Variants in KIF26B observed in about 807,000 individuals in gnomAD.
KIF26B encodes the protein kinesin family member 26B, also known as kinesin-like protein KIF26B.
In KIF26B, 63 loss-of-function variants were observed where a neutral mutation model predicts 151.2. The ratio of observed to expected loss-of-function variants is 0.42; its 90% CI spans 0.34 to 0.51. The LOEUF (loss-of-function observed/expected upper bound fraction) is 0.51, where lower values mean the gene tolerates loss of function less well. KIF26B is among the 20% of genes least tolerant of loss of function. The pLI, the probability that KIF26B is intolerant of heterozygous loss-of-function variation, is 0.07. For synonymous variants in KIF26B, 1,357 were observed against 1,262.1 expected (o/e 1.08, Z -1.59); for missense variants, 2,813 against 2,913.6 (o/e 0.97, Z 0.79).
intron 10 of KIF26B, among the ~76,000 whole-genome samples, chr1:245,679,292 C>T (rs2044397190): frequency 6.6e-6 from 1 of 152,092 alleles, no homozygotes; most frequent in African/African-American, 2.4e-5. Flanking sequence ...TTGGTCAGCC[C>T]TGTGCCTGAG....
At chr1:245,595,668 G>T (rs2043330619) in intron 5 of KIF26B, among the ~76,000 whole-genome samples, 2 of 152,098 alleles carry the variant, frequency 1.3e-5, no homozygotes, top group South Asian at 4.2e-4. Context: ...GGATGATTCT[G>T]GCCTCATAAA....
intron 2 of KIF26B, among the ~76,000 whole-genome samples, chr1:245,280,091 G>C (rs966337137): frequency 2.6e-5 from 4 of 152,058 alleles, no homozygotes; most frequent in Non-Finnish European, 4.4e-5. Context: ...TCAACCCCAG[G>C]AGGAGCCTAG....
At chr1:245,479,478 T>TTGTTG (rs1558182593) in intron 4 of KIF26B, among the ~76,000 whole-genome samples, 1 of 151,666 alleles carries the variant, frequency 6.6e-6, no homozygotes, top group African/African-American at 2.4e-5. Flanking sequence ...TCAGAGTTTT[T>TTGTTG]TTGTTGTTGT....
intron 4 of KIF26B, among the ~76,000 whole-genome samples, chr1:245,423,797 T>A (rs956640876): frequency 6.6e-6 from 1 of 152,186 alleles, no homozygotes; most frequent in African/African-American, 2.4e-5. Context: ...TGTCCACTTT[T>A]CTCTGTGATA....
chr1:245,525,928 C>CAA (rs35105501), intron 4 of KIF26B, among the ~76,000 whole-genome samples: 1,921 of 151,120 alleles, frequency 0.013, 47 homozygotes, highest in African/African-American at 0.045. Flanking sequence ...CAGATTCTGC[C>CAA]AAAAAAAATG....
At chr1:245,635,418 C>T (rs2043824739) in intron 9 of KIF26B, among the ~76,000 whole-genome samples, 1 of 152,054 alleles carries the variant, frequency 6.6e-6, no homozygotes, top group African/African-American at 2.4e-5. Context: ...AATTTACTGG[C>T]ATAATGTTTC....
intron 2 of KIF26B, among the ~76,000 whole-genome samples, chr1:245,331,021 G>A (rs1395455085): frequency 1.3e-5 from 2 of 152,042 alleles, no homozygotes; most frequent in Non-Finnish European, 2.9e-5. Context: ...TGCACACACG[G>A]TGAGCAGAAA....
At chr1:245,285,004 A>C (rs1573752895) in intron 2 of KIF26B, among the ~76,000 whole-genome samples, 1 of 152,250 alleles carries the variant, frequency 6.6e-6, no homozygotes, top group African/African-American at 2.4e-5. Context: ...GTGCCACTGC[A>C]CTCCAGCCTG....
chr1:245,196,349 A>G (rs1424316223), intron 2 of KIF26B, among the ~76,000 whole-genome samples: 1 of 152,176 alleles, frequency 6.6e-6, no homozygotes, highest in African/African-American at 2.4e-5. Context: ...AATAGCTCTG[A>G]AAACAACCTT....
At chr1:245,428,158 C>CTTAT (rs1192541167) in intron 4 of KIF26B, among the ~76,000 whole-genome samples, 1 of 152,240 alleles carries the variant, frequency 6.6e-6, no homozygotes, top group South Asian at 2.1e-4. Context: ...CCTCTGGTTT[C>CTTAT]TTATTTATTT....
chr1:245,629,467 G>A (rs1280893927), intron 9 of KIF26B, among the ~76,000 whole-genome samples: 5 of 152,050 alleles, frequency 3.3e-5, no homozygotes, highest in Admixed American at 6.5e-5. Flanking sequence ...TCTGATCTTC[G>A]ACAAACCTGA....
intron 4 of KIF26B, among the ~76,000 whole-genome samples, chr1:245,422,924 C>T (rs1335994063): frequency 6.6e-6 from 1 of 151,940 alleles, no homozygotes; most frequent in Non-Finnish European, 1.5e-5. Context: ...CATGGTGAGA[C>T]CCCGTCTCTA....
At chr1:245,192,478 T>C (rs1354488483) in intron 2 of KIF26B, among the ~76,000 whole-genome samples, 1 of 152,238 alleles carries the variant, frequency 6.6e-6, no homozygotes, top group Non-Finnish European at 1.5e-5. Context: ...TTGAGATATT[T>C]TGTAAAAATT....
intron 3 of KIF26B, among the ~76,000 whole-genome samples, chr1:245,418,738 G>C (rs1658382065): frequency 6.6e-6 from 1 of 152,204 alleles, no homozygotes; most frequent in Non-Finnish European, 1.5e-5. Flanking sequence ...CAAGTAACAG[G>C]TTTTCCAAAT....
At chr1:245,696,214 C>T (rs890459668) in intron 12 of KIF26B, among the ~76,000 whole-genome samples, 6 of 152,234 alleles carry the variant, frequency 3.9e-5, no homozygotes, top group Admixed American at 1.3e-4. Context: ...AGACACTGCA[C>T]CTTCTGTGCT....
At chr1:245,520,526 A>G (rs1258387726) in intron 4 of KIF26B, among the ~76,000 whole-genome samples, 1 of 149,874 alleles carries the variant, frequency 6.7e-6, no homozygotes, top group African/African-American at 2.5e-5. Flanking sequence ...CCATCCATCC[A>G]TCCATCCATC....
intron 9 of KIF26B, among the ~76,000 whole-genome samples, chr1:245,632,997 TATATA>T (rs1346033035): frequency 2.6e-5 from 4 of 152,204 alleles, no homozygotes; most frequent in Non-Finnish European, 4.4e-5. Context: ...ATAATTGTTT[TATATA>T]ATATATCTGG....
intron 10 of KIF26B, among the ~76,000 whole-genome samples, chr1:245,652,658 C>T (rs932914298): frequency 1.2e-4 from 19 of 152,178 alleles, no homozygotes; most frequent in Non-Finnish European, 2.2e-4. Flanking sequence ...GTCTGGGGAT[C>T]GGCCGGGGTC....
intron 2 of KIF26B, among the ~76,000 whole-genome samples, chr1:245,230,699 C>T (rs1270094640): frequency 2.0e-5 from 3 of 150,648 alleles, no homozygotes; most frequent in East Asian, 1.9e-4. Flanking sequence ...GCCAAGATTG[C>T]GCCATTGCAC....
Sources: allele counts gnomAD v4.1 joint callset (sites outside exome capture counted in the v4.1 genomes callset), GRCh38; gene constraint gnomAD v4.1.1; transcripts MANE v1.5; gene names NCBI Gene and HGNC (gene_info 2026-07-23, HGNC 2026-07-21).